The following KLRG1 variants were observed in gnomAD, a reference collection of about 807,000 sequenced individuals.
KLRG1 encodes the protein killer cell lectin like receptor G1, also known as killer cell lectin-like receptor subfamily G member 1.
Under a neutral mutation model 21.8 loss-of-function variants are expected in KLRG1, and 16 were observed. The ratio of observed to expected loss-of-function variants is 0.73; its 90% CI spans 0.50 to 1.11. KLRG1 has a LOEUF of 1.11. Ranked by LOEUF, KLRG1 falls within the 50% of genes most tolerant of loss-of-function variation. The pLI is 0.00. For missense variants in KLRG1, 173 were observed against 218.3 expected, an observed-to-expected ratio of 0.79 and a Z score of 1.31; for synonymous variants, 69 against 75.9, an observed-to-expected ratio of 0.91 and a Z score of 0.47.
chr12:9,166,030 GGAGGA>G, the KLRG1 span: 1 of 1,584,140 alleles, frequency 6.3e-7, no homozygotes, highest in Admixed American at 1.9e-5. Flanking sequence ...TCCAGCAAAT[GGAGGA>G]AAGTAAAGTT....
the KLRG1 span, among the ~76,000 whole-genome samples, chr12:9,045,357 T>G: frequency 6.6e-6 from 1 of 152,136 alleles, no homozygotes; most frequent in Admixed American, 6.5e-5. Flanking sequence ...TTTTAGCCTC[T>G]AATAAAGACA....
At chr12:9,115,820 A>G in the KLRG1 span, 1 of 1,613,484 alleles carries the variant, frequency 6.2e-7, no homozygotes, top group South Asian at 1.1e-5. Context: ...GAAGAACCAG[A>G]CTTGGATGAA....
At chr12:9,089,975 A>C in the KLRG1 span, 2 of 1,609,706 alleles carry the variant, frequency 1.2e-6, no homozygotes, top group Non-Finnish European at 1.7e-6. Flanking sequence ...AGTCCCACAC[A>C]GCTCTTGAGA....
chr12:9,075,323 G>A, the KLRG1 span, among the ~76,000 whole-genome samples: 6 of 152,318 alleles, frequency 3.9e-5, no homozygotes, highest in African/African-American at 1.4e-4. Flanking sequence ...CAGCAATGGG[G>A]AAGATGTGCT....
At chr12:9,151,715 T>C in the KLRG1 span, 4 of 1,504,828 alleles carry the variant, frequency 2.7e-6, no homozygotes, top group Non-Finnish European at 3.7e-6. Flanking sequence ...AGAGAACAGA[T>C]GTGAGAATGG....
the KLRG1 span, among the ~76,000 whole-genome samples, chr12:9,209,972 C>A: frequency 1.3e-5 from 2 of 152,062 alleles, no homozygotes; most frequent in African/African-American, 2.4e-5. Context: ...TCCCCTAGTG[C>A]TGAATTTTGG....
the KLRG1 span, among the ~76,000 whole-genome samples, chr12:9,181,358 T>A: frequency 6.6e-6 from 1 of 152,226 alleles, no homozygotes; most frequent in African/African-American, 2.4e-5. Context: ...ACATAAATAG[T>A]TAGATCTGTT....
intron 3 of KLRG1, among the ~76,000 whole-genome samples, chr12:9,003,973 G>A (rs1464998281): frequency 1.3e-5 from 2 of 151,428 alleles, no homozygotes; most frequent in East Asian, 1.9e-4. Flanking sequence ...TTGTCCTTGC[G>A]ATAGTTTACT....
chr12:9,104,086 A>C, the KLRG1 span, among the ~76,000 whole-genome samples: 16 of 152,342 alleles, frequency 1.1e-4, no homozygotes, highest in African/African-American at 3.8e-4. Context: ...TTCTTTTCAT[A>C]AACTTTAAAA....
the KLRG1 span, chr12:9,068,913 C>T: frequency 8.7e-7 from 1 of 1,143,316 alleles, no homozygotes; most frequent in Non-Finnish European, 1.2e-6. Flanking sequence ...TTTAAGTATT[C>T]ACCTGTTTTT....
the KLRG1 span, among the ~76,000 whole-genome samples, chr12:9,195,446 T>C: frequency 6.6e-6 from 1 of 150,806 alleles, no homozygotes; most frequent in African/African-American, 2.4e-5. Flanking sequence ...TCCTTCCCCT[T>C]TCCTTCTTTT....
At chr12:9,042,295 CTG>C in the KLRG1 span, among the ~76,000 whole-genome samples, 1 of 152,112 alleles carries the variant, frequency 6.6e-6, no homozygotes, top group Non-Finnish European at 1.5e-5. Context: ...GAAAACAAAA[CTG>C]TTTCTCATCT....
the KLRG1 span, among the ~76,000 whole-genome samples, chr12:9,078,929 G>A: frequency 6.6e-6 from 1 of 152,158 alleles, no homozygotes; most frequent in South Asian, 2.1e-4. Flanking sequence ...TTATCTGGAA[G>A]TTATATATGT....
chr12:8,958,361 A>G (rs143111248), intron 1 of KLRG1, among the ~76,000 whole-genome samples: 8 of 152,314 alleles, frequency 5.3e-5, no homozygotes, highest in African/African-American at 1.7e-4. Context: ...GTATAAATGT[A>G]GTTCTGTTTC....
At chr12:9,143,516 C>G in the KLRG1 span, among the ~76,000 whole-genome samples, 91 of 151,958 alleles carry the variant, frequency 6.0e-4, no homozygotes, top group Admixed American at 3.4e-3. Flanking sequence ...GAAGGAGAAA[C>G]CTGGGGAGGG....
the KLRG1 span, among the ~76,000 whole-genome samples, chr12:9,110,607 A>G: frequency 1.3e-5 from 2 of 151,668 alleles, no homozygotes; most frequent in African/African-American, 4.8e-5. Context: ...ATGGATAATG[A>G]TAATGATTAT....
intron 1 of KLRG1, among the ~76,000 whole-genome samples, chr12:8,956,404 A>G (rs1251311699): frequency 6.6e-6 from 1 of 152,182 alleles, no homozygotes; most frequent in Non-Finnish European, 1.5e-5. Flanking sequence ...GGGATTCCCC[A>G]AGCCAGAGCT....
At chr12:9,062,058 T>C in the KLRG1 span, among the ~76,000 whole-genome samples, 4 of 150,596 alleles carry the variant, frequency 2.7e-5, no homozygotes, top group African/African-American at 9.7e-5. Context: ...CCTGACACAA[T>C]AGATATGTAA....
At chr12:9,182,678 A>C in the KLRG1 span, among the ~76,000 whole-genome samples, 1,967 of 152,338 alleles carry the variant, frequency 0.013, 36 homozygotes, top group African/African-American at 0.045. Context: ...ACCAGATAAC[A>C]CTTCAGAAAA....
Sources: gnomAD v4.1 joint callset for allele counts (sites outside exome capture counted in the v4.1 genomes callset) on GRCh38, gnomAD v4.1.1 for gene constraint, MANE v1.5 for transcripts, NCBI Gene and HGNC (gene_info 2026-07-23, HGNC 2026-07-21) for gene names.